GNAI1: variants seen among roughly 807,000 people sequenced by gnomAD.
The protein encoded by GNAI1 is guanine nucleotide-binding protein G(i) subunit alpha-1.
A neutral mutation model predicts 38.9 loss-of-function variants in GNAI1; 11 were observed. The observed-to-expected ratio is 0.28, with a 90% CI of 0.18 to 0.47. The LOEUF (loss-of-function observed/expected upper bound fraction) is 0.47. Ranked by LOEUF, GNAI1 falls within the 20% of genes least tolerant of loss-of-function variation. The probability of loss-of-function intolerance (pLI) is 0.99; values close to 1 mark genes in which losing one functional copy is unlikely to be tolerated. For missense variants in GNAI1, 317 were observed against 436.9 expected (o/e 0.73, Z 2.45); for synonymous variants, 166 against 145.1 (o/e 1.14, Z -1.04).
Position 80,199,625 on chromosome 7 carries a change from G to A in GNAI1, c.461+243G>A, listed in dbSNP as rs546140336. Among the ~76,000 whole-genome samples the A allele has an allele frequency of 1.4e-4, 22 of 152,240 alleles. No individual in the cohort carries two copies. The East Asian group carries it at 4.2e-3, about 29-fold the overall frequency. On this transcript the variant is annotated intron_variant, in intron 4 of 7. Coordinates refer to ENST00000649796, the MANE Select transcript of GNAI1 (RefSeq NM_002069.6). ...TGCTATGTAACTCTAATTGAAACAT[G>A]GAGAATGGTACCTGTTGCAATATAT...
rs562146833 is a variant in GNAI1, at chr7:80,186,381, A to G, written c.119-2570A>G. 5.9e-5 allele frequency among the ~76,000 whole-genome samples: 9 copies of G among 152,246 alleles called. No individual in the cohort carries two copies. The South Asian group carries it at 1.9e-3, about 32-fold the overall frequency. The stretch of plus-strand genomic sequence containing the variant: ...TTCAGGACTTTTTGAACCACAAGCC[A>G]TTGACTGGATGTGCAATGCAAAGTA... On this transcript the variant is annotated intron_variant, in intron 1 of 7. Coordinates refer to ENST00000649796, the MANE Select transcript of GNAI1 (RefSeq NM_002069.6).
chr7:80,174,389 A>C (rs1354038089), intron 1 of GNAI1, among the ~76,000 whole-genome samples: 2 of 150,364 alleles, frequency 1.3e-5, no homozygotes, highest in African/African-American at 4.9e-5. Flanking sequence ...ACATATGTAT[A>C]TATAGCTCTA....
Position 80,221,892 on chromosome 7 carries a change from G to A in GNAI1, c.*4399G>A, listed in dbSNP as rs937470818. ...CCTGACCTTGTGATCTGACCGCCTCGGCCTCCCAAAGTGCTGGGATTACAG... is the reference window on the plus strand; with the variant it reads ...CCTGACCTTGTGATCTGACCGCCTCAGCCTCCCAAAGTGCTGGGATTACAG... On this transcript the variant is annotated 3_prime_UTR_variant, in exon 8 of 8. Transcript: ENST00000649796. 1.3e-5 allele frequency among the ~76,000 whole-genome samples: 2 copies of A among 151,898 alleles called. No homozygotes were observed. The highest frequency in any genetic ancestry group is 1.9e-4 in the East Asian group (1 of 5,180).
At chr7:80,216,642 A>G (rs1788973660) in intron 7 of GNAI1, among the ~76,000 whole-genome samples, 1 of 152,152 alleles carries the variant, frequency 6.6e-6, no homozygotes, top group South Asian at 2.1e-4. Context: ...TGTCAAGTGT[A>G]TATCTAGAAA....
chr7:80,182,626 A>C (rs1479820030), intron 1 of GNAI1, among the ~76,000 whole-genome samples: 1 of 152,238 alleles, frequency 6.6e-6, no homozygotes, highest in Non-Finnish European at 1.5e-5. Context: ...GATAATTAAA[A>C]ACAAAATCTC....
At chr7:80,189,063 T>C in intron 2 of GNAI1, 27 bp from the exon 3 acceptor site, 2 of 1,602,386 alleles carry the variant, frequency 1.2e-6, no homozygotes, top group South Asian at 1.1e-5. Context: ...AGTAAATAAT[T>C]CTTTTTTTTC....
In GNAI1 at chr7:80,220,549, A is replaced by C. The variant is rs548534777; in HGVS notation, c.*3056A>C. Among the ~76,000 whole-genome samples, 7 of 152,298 alleles carry C rather than the reference A, an allele frequency of 4.6e-5. No individual in the cohort carries two copies. The highest frequency in any genetic ancestry group is 1.3e-4 in the Admixed American group (2 of 15,284). ...GGACGAGTGAGCCAATCATTGTCCC[A>C]GTTGCCATTCTTAAAGTCCCTAAGG... is the stretch of plus-strand genomic sequence containing the variant. On this transcript the variant is annotated 3_prime_UTR_variant, in exon 8 of 8. Transcript: ENST00000649796.
chr7:80,222,863 G>A lies in GNAI1; in HGVS notation c.*5370G>A, dbSNP rs968933258. The stretch of plus-strand genomic sequence containing the variant: ...TTAAGTCCTGAAAAGCCCACTGTAA[G>A]TTGATAATACCTTATTTTGAAAATG... On this transcript the variant is annotated 3_prime_UTR_variant, in exon 8 of 8. Transcript: ENST00000649796. Among the ~76,000 whole-genome samples, 2 of 152,124 alleles carry A rather than the reference G, an allele frequency of 1.3e-5. No homozygotes were observed. Among genetic ancestry groups the A allele is most frequent in the African/African-American group, 4.8e-5 (2 of 41,432 alleles).
chr7:80,150,595 G>A (rs142188327), intron 1 of GNAI1, among the ~76,000 whole-genome samples: 6 of 152,300 alleles, frequency 3.9e-5, no homozygotes, highest in African/African-American at 1.4e-4. Flanking sequence ...CTGAGGAGGC[G>A]GAGAGGGAAG....
At chr7:80,214,059 C>G (rs563044163) in intron 7 of GNAI1, among the ~76,000 whole-genome samples, 1 of 152,224 alleles carries the variant, frequency 6.6e-6, no homozygotes, top group South Asian at 2.1e-4. Context: ...GTCCATTGTC[C>G]TCCTGCTCCT....
intron 1 of GNAI1, among the ~76,000 whole-genome samples, chr7:80,141,341 G>T (rs1311412832): frequency 2.0e-5 from 3 of 152,172 alleles, no homozygotes; most frequent in African/African-American, 7.2e-5. Context: ...TCAGGAATAG[G>T]TGAGATTCTG....
intron 3 of GNAI1, among the ~76,000 whole-genome samples, chr7:80,193,515 G>A (rs1442366687): frequency 1.3e-5 from 2 of 152,168 alleles, no homozygotes; most frequent in Non-Finnish European, 2.9e-5. Context: ...GTCCATCTGC[G>A]AGTGATAATA....
intron 1 of GNAI1, among the ~76,000 whole-genome samples, chr7:80,176,774 C>T (rs1359002355): frequency 6.6e-6 from 1 of 151,576 alleles, no homozygotes. Flanking sequence ...CCCATCTCTA[C>T]TAAAAATATA....
chr7:80,170,644 A>T (rs1480717677), intron 1 of GNAI1, among the ~76,000 whole-genome samples: 1 of 152,178 alleles, frequency 6.6e-6, no homozygotes, highest in East Asian at 1.9e-4. Flanking sequence ...GCATGACTGG[A>T]GTAGGAGGAA....
chr7:80,176,936 CAAAAAAAAA>C (rs374205117), intron 1 of GNAI1, among the ~76,000 whole-genome samples: 2 of 71,254 alleles, frequency 2.8e-5, no homozygotes, highest in African/African-American at 5.3e-5. Context: ...GACTCTGTCT[CAAAAAAAAA>C]AAAAAAAAAA....
chr7:80,214,392 G>T (rs1432092204), intron 7 of GNAI1, among the ~76,000 whole-genome samples: 1 of 151,868 alleles, frequency 6.6e-6, no homozygotes, highest in Non-Finnish European at 1.5e-5. Flanking sequence ...TAGCCATTTT[G>T]TACTAATTCA....
chr7:80,158,578 G>C (rs1454582109), intron 1 of GNAI1, among the ~76,000 whole-genome samples: 1 of 152,136 alleles, frequency 6.6e-6, no homozygotes, highest in African/African-American at 2.4e-5. Context: ...TCTTCCTGCT[G>C]CTATGTGAAG....
intron 5 of GNAI1, among the ~76,000 whole-genome samples, chr7:80,206,749 A>G (rs1305418307): frequency 6.6e-6 from 1 of 152,042 alleles, no homozygotes; most frequent in African/African-American, 2.4e-5. Context: ...GCTTGAAACT[A>G]CTGATAGTAC....
intron 4 of GNAI1, 97 bp downstream of exon 4, chr7:80,199,479 A>AT: frequency 1.2e-6 from 1 of 860,154 alleles, no homozygotes; most frequent in Non-Finnish European, 1.8e-6. Context: ...TGGCTGACAC[A>AT]TTCTTGTACA....
Sources: allele counts gnomAD v4.1 joint callset (sites outside exome capture counted in the v4.1 genomes callset), GRCh38; gene constraint gnomAD v4.1.1; transcripts MANE v1.5; gene names NCBI Gene and HGNC (gene_info 2026-07-23, HGNC 2026-07-21).